The following SNX29 variants were observed in gnomAD, a reference collection of about 807,000 sequenced individuals.
The protein encoded by SNX29 is sorting nexin 29, also known as sorting nexin-29.
SNX29 carries 78 observed loss-of-function variants against 102.1 expected under a neutral mutation model. That is an observed-to-expected ratio of 0.76 (90% CI 0.64 to 0.92). SNX29 has a LOEUF of 0.92. Ranked by LOEUF, SNX29 falls within the 40% of genes least tolerant of loss-of-function variation. SNX29 has a pLI of 0.00. For missense variants in SNX29, 1,280 were observed against 1,061.7 expected, an observed-to-expected ratio of 1.21 and a Z score of -2.86; for synonymous variants, 580 against 414.5, an observed-to-expected ratio of 1.40 and a Z score of -4.85.
intron 19 of SNX29, among the ~76,000 whole-genome samples, chr16:12,518,949 C>A (rs1023165830): frequency 6.6e-6 from 1 of 152,170 alleles, no homozygotes; most frequent in African/African-American, 2.4e-5. Context: ...ATTTCTGGGG[C>A]CTCGGCTGGT....
intron 18 of SNX29, among the ~76,000 whole-genome samples, chr16:12,447,017 A>G (rs1442737834): frequency 6.6e-6 from 1 of 151,876 alleles, no homozygotes; most frequent in East Asian, 1.9e-4. Context: ...TATAAAAAAA[A>G]TTAGCAGGGT....
In SNX29 at chr16:12,275,050, T is replaced by G. The variant is rs113796827; in HGVS notation, c.1679-2883T>G. On this transcript the variant is annotated intron_variant, in intron 14 of 20. Coordinates refer to ENST00000566228, the MANE Select transcript of SNX29 (RefSeq NM_032167.5). Reference sequence around the variant, plus strand: ...TTATTCCTGTCTCAGTCTTTCATCTTAGGTGCTTTTCTCAAATGGGATGTG... The same window carrying G: ...TTATTCCTGTCTCAGTCTTTCATCTGAGGTGCTTTTCTCAAATGGGATGTG... Among the ~76,000 whole-genome samples, 381 of 152,332 alleles carry G rather than the reference T, an allele frequency of 2.5e-3. 2 individuals are homozygous for G. The highest frequency in any genetic ancestry group is 8.3e-3 in the African/African-American group (347 of 41,580).
intron 11 of SNX29, among the ~76,000 whole-genome samples, chr16:12,117,036 A>G (rs1171498369): frequency 1.3e-5 from 2 of 149,496 alleles, no homozygotes; most frequent in Non-Finnish European, 3.0e-5. Context: ...GAACCATGGA[A>G]ACAGGCGTGT....
rs1215717482 is a variant in SNX29, at chr16:12,205,930, TAGG to T, written c.1678+6250_1678+6252del. Among the ~76,000 whole-genome samples, 6 of 152,306 alleles carry T rather than the reference TAGG, an allele frequency of 3.9e-5. 1 individual carries two copies. In the South Asian group the frequency reaches 1.0e-3, roughly 26 times the overall value. ...ATAACATAAATGAATATAAATAAAA[TAGG>T]AGCTGTTGGATCTCATGGCCTTGAG... On this transcript the variant is annotated intron_variant, in intron 14 of 20. Coordinates refer to ENST00000566228, the MANE Select transcript of SNX29 (RefSeq NM_032167.5).
chr16:12,303,729 A>G (rs2080253905), intron 15 of SNX29, among the ~76,000 whole-genome samples: 1 of 152,226 alleles, frequency 6.6e-6, no homozygotes, highest in Non-Finnish European at 1.5e-5. Flanking sequence ...ATATGTAGAT[A>G]TGCATTAGTT....
intron 20 of SNX29, among the ~76,000 whole-genome samples, chr16:12,562,275 A>G (rs978625045): frequency 6.6e-6 from 1 of 152,140 alleles, no homozygotes; most frequent in Admixed American, 6.5e-5. Context: ...CCCATGGGCC[A>G]CGCTCTATCC....
chr16:12,529,909 C>T (rs753612117), intron 20 of SNX29, among the ~76,000 whole-genome samples: 12 of 152,160 alleles, frequency 7.9e-5, no homozygotes, highest in Non-Finnish European at 1.2e-4. Flanking sequence ...CCAGAACCTT[C>T]CAGACTCCAA....
intron 6 of SNX29, among the ~76,000 whole-genome samples, chr16:12,047,001 A>T (rs1449580292): frequency 6.6e-6 from 1 of 152,108 alleles, no homozygotes; most frequent in Non-Finnish European, 1.5e-5. Context: ...GGCTTTGGAG[A>T]TGTAATATAC....
chr16:12,518,833 T>C (rs16959796), intron 19 of SNX29, among the ~76,000 whole-genome samples: 14,647 of 152,154 alleles, frequency 0.096, 962 homozygotes, highest in East Asian at 0.23. Context: ...TGCAGGGGAT[T>C]TCGCTGCATT....
intron 18 of SNX29, among the ~76,000 whole-genome samples, chr16:12,469,050 A>G (rs1250735702): frequency 6.6e-6 from 1 of 152,120 alleles, no homozygotes; most frequent in Non-Finnish European, 1.5e-5. Context: ...CAGTTACGGT[A>G]CCACGGTTCC....
At chr16:12,381,690 CCCCACCA>C (rs1391455151) in intron 16 of SNX29, among the ~76,000 whole-genome samples, 1 of 486 alleles carries the variant, frequency 2.1e-3, no homozygotes, top group Non-Finnish European at 5.4e-3. Context: ...TCATCCATCC[CCCCACCA>C]CCCACCCACC....
At chr16:12,058,809 T>TCG (rs1567168358) in intron 8 of SNX29, among the ~76,000 whole-genome samples, 2 of 122,892 alleles carry the variant, frequency 1.6e-5, no homozygotes, top group Non-Finnish European at 3.4e-5. Context: ...TTTTTTTTTT[T>TCG]TTTTTTTTTT....
chr16:12,168,475 C>T (rs535520364), intron 13 of SNX29, among the ~76,000 whole-genome samples: 1 of 152,278 alleles, frequency 6.6e-6, no homozygotes, highest in East Asian at 1.9e-4. Flanking sequence ...TGTTGTTGCT[C>T]CTATTCTAGG....
At chr16:12,090,797 C>T (rs887248379) in intron 11 of SNX29, among the ~76,000 whole-genome samples, 3 of 151,762 alleles carry the variant, frequency 2.0e-5, no homozygotes, top group East Asian at 1.9e-4. Flanking sequence ...GATCAATCAC[C>T]TGAGGCCAGG....
At chr16:12,366,043 A>C (rs1218362995) in intron 16 of SNX29, among the ~76,000 whole-genome samples, 10 of 12,238 alleles carry the variant, frequency 8.2e-4, no homozygotes, top group African/African-American at 5.0e-3. Context: ...CTCTTGTCTC[A>C]AAAAAAAAAA....
chr16:12,229,397 C>G (rs2077706493), intron 14 of SNX29, among the ~76,000 whole-genome samples: 1 of 152,214 alleles, frequency 6.6e-6, no homozygotes, highest in African/African-American at 2.4e-5. Flanking sequence ...TAACCAATTT[C>G]CATGTCGTGT....
intron 7 of SNX29, among the ~76,000 whole-genome samples, chr16:12,051,203 C>T (rs1378850978): frequency 3.3e-5 from 5 of 152,016 alleles, no homozygotes; most frequent in African/African-American, 1.2e-4. Flanking sequence ...GTGGCATGCA[C>T]CTGTAGTCCC....
intron 13 of SNX29, among the ~76,000 whole-genome samples, chr16:12,163,509 G>A (rs749927025): frequency 6.6e-6 from 1 of 152,146 alleles, no homozygotes; most frequent in African/African-American, 2.4e-5. Context: ...TCCTCTAGGC[G>A]ATGGAGCAGC....
At chr16:12,484,273 C>G (rs62028452) in intron 19 of SNX29, among the ~76,000 whole-genome samples, 3,823 of 152,298 alleles carry the variant, frequency 0.025, 71 homozygotes, top group East Asian at 0.052. Context: ...CTCAGCCTCC[C>G]AAAGTGCTGG....
Sources: gnomAD v4.1 joint callset for allele counts (sites outside exome capture counted in the v4.1 genomes callset) on GRCh38, gnomAD v4.1.1 for gene constraint, MANE v1.5 for transcripts, NCBI Gene and HGNC (gene_info 2026-07-23, HGNC 2026-07-21) for gene names.